The following CDH17 variants were observed in gnomAD, a reference collection of about 807,000 sequenced individuals.
CDH17 encodes the protein cadherin 17.
CDH17 carries 67 observed loss-of-function variants against 86.3 expected under a neutral mutation model. The ratio of observed to expected loss-of-function variants is 0.78; its 90% CI spans 0.64 to 0.95. The LOEUF is 0.95. Among genes scored for constraint, CDH17 ranks in the 40% least tolerant of loss-of-function variants. The pLI, the probability that CDH17 is intolerant of heterozygous loss-of-function variation, is 0.00. For synonymous variants in CDH17, 367 were observed against 366.4 expected (o/e 1.00, Z -0.02); for missense variants, 993 against 1,017.6 (o/e 0.98, Z 0.33).
chr8:94,166,007 A>G, intron 9 of CDH17, 31 bp from the exon 10 acceptor site: 1 of 1,309,304 alleles, frequency 7.6e-7, no homozygotes, highest in Non-Finnish European at 1.1e-6. Context: ...AAAACCCACC[A>G]TTACAGGCTC....
chr8:94,165,926 C>T lies in CDH17; in HGVS notation c.1117G>A (p.Ala373Thr), dbSNP rs1813143836. Residue 373 changes from alanine (A) to threonine (T), a missense_variant, in exon 10 of 18, where the codon GCC (alanine) becomes ACC (threonine). Physicochemically the swap from Ala to Thr is moderately conservative, Grantham distance 58. Coordinates refer to ENST00000027335, the MANE Select transcript of CDH17 (RefSeq NM_004063.4). ...ATCCTGTAGTTTAGAAAACTGTTGG[C>T]AGTATTTTCTTCATCCCTGTCATGT... ...TAHDRDEENT[A>T]NSFLNYRIVE... The T allele has an allele frequency of 6.2e-7, 1 of 1,613,746 alleles. No individual in the cohort carries two copies. The highest frequency in any genetic ancestry group is 1.3e-5 in the African/African-American group (1 of 74,884).
At chr8:94,194,781 A>G (rs2130670852) in intron 1 of CDH17, 76 bp from the exon 2 acceptor site, 1 of 765,158 alleles carries the variant, frequency 1.3e-6, no homozygotes, top group Non-Finnish European at 2.3e-6. Context: ...GTAAGAATCA[A>G]TGGATGATAT....
intron 3 of CDH17, among the ~76,000 whole-genome samples, chr8:94,182,804 G>A (rs1813508678): frequency 6.6e-6 from 1 of 151,694 alleles, no homozygotes; most frequent in Non-Finnish European, 1.5e-5. Flanking sequence ...CATAAAGATT[G>A]GAAATAAAAA....
chr8:94,147,033 T>C (rs1238671224), intron 14 of CDH17, among the ~76,000 whole-genome samples: 1 of 152,208 alleles, frequency 6.6e-6, no homozygotes, highest in African/African-American at 2.4e-5. Flanking sequence ...TTATTGTATC[T>C]ATTTATATCA....
In CDH17 at chr8:94,189,380, T is replaced by C. The variant is rs563076925; in HGVS notation, c.52-95A>G. 2.1e-4 allele frequency: 176 copies of C among 822,762 alleles called. No individual in the cohort carries two copies. The African/African-American group carries it at 2.7e-3, about 13-fold the overall frequency. The allele number at this position is 822,762 out of a possible 1,614,324, so 51.0% of individuals were successfully genotyped here. A position where few individuals can be genotyped will look rare whatever the true frequency, so the allele number is the denominator to read the frequency against. On this transcript the variant is annotated intron_variant, in intron 2 of 17. Transcript: ENST00000027335. ...GCTTCCAGCACCAATATACAAAACA[T>C]AGGATTCTATCATGGCTGAAATCTG...
At chr8:94,178,240 C>T (rs1442175034) in intron 3 of CDH17, among the ~76,000 whole-genome samples, 1 of 152,124 alleles carries the variant, frequency 6.6e-6, no homozygotes, top group Non-Finnish European at 1.5e-5. Context: ...ATGGCTATAT[C>T]ACTTTTAAGA....
At chr8:94,188,950 G>A (rs572578536) in intron 3 of CDH17, among the ~76,000 whole-genome samples, 1 of 152,184 alleles carries the variant, frequency 6.6e-6, no homozygotes, top group African/African-American at 2.4e-5. Context: ...GCTCCCTGCA[G>A]AGGGCTGGGA....
At chr8:94,151,769 T>G in intron 13 of CDH17, 99 bp downstream of exon 13, 3 of 1,481,118 alleles carry the variant, frequency 2.0e-6, no homozygotes, top group South Asian at 2.4e-5. Context: ...GGGTATGCTG[T>G]GAGGGTCAGC....
intron 9 of CDH17, among the ~76,000 whole-genome samples, chr8:94,168,097 AATATATATATATATATATATATATATAT>A (rs529264296): frequency 0.18 from 9,139 of 50,676 alleles, 872 homozygotes; most frequent in Middle Eastern, 0.32. Flanking sequence ...TACACTGGGG[AATATATATATATATATATATATATATAT>A]ATATATATAT....
intron 1 of CDH17, among the ~76,000 whole-genome samples, chr8:94,213,858 AT>A (rs1337379135): frequency 1.3e-5 from 2 of 151,920 alleles, no homozygotes; most frequent in African/African-American, 4.8e-5. Context: ...CAATACTCTG[AT>A]TTTCCTTCCA....
intron 4 of CDH17, 24 bp downstream of exon 4, chr8:94,177,563 T>C: frequency 1.2e-6 from 2 of 1,613,068 alleles, no homozygotes; most frequent in East Asian, 2.2e-5. Flanking sequence ...TGGAGTTAGA[T>C]CCCTTCAGCT....
intron 12 of CDH17, among the ~76,000 whole-genome samples, chr8:94,155,656 G>A (rs1217125149): frequency 6.6e-6 from 1 of 152,194 alleles, no homozygotes; most frequent in Non-Finnish European, 1.5e-5. Context: ...GCTGACAGTG[G>A]AAAGACAAGA....
rs534687586 is a variant in CDH17, at chr8:94,166,909, C to T, written c.1067-933G>A. On this transcript the variant is annotated intron_variant, in intron 9 of 17. Coordinates refer to ENST00000027335, the MANE Select transcript of CDH17 (RefSeq NM_004063.4). Reference sequence around the variant, plus strand: ...AGACTCTGGAGGGAACGCTGCCCTGCAAGCACCTTGATTTCAGACTTCCAG... The same window carrying T: ...AGACTCTGGAGGGAACGCTGCCCTGTAAGCACCTTGATTTCAGACTTCCAG... Among the ~76,000 whole-genome samples, 24 of 152,296 alleles carry T rather than the reference C, an allele frequency of 1.6e-4. No individual in the cohort carries two copies. The South Asian group carries it at 4.8e-3, about 30-fold the overall frequency.
chr8:94,191,080 C>A lies in CDH17; in HGVS notation c.52-1795G>T, dbSNP rs190388168. ...GGCTCACTTGCAGCTAGGAAGGTGG[C>A]CAAGTGGCCCAGTTCTGGTTCATGA... On this transcript the variant is annotated intron_variant, in intron 2 of 17. Coordinates refer to ENST00000027335, the MANE Select transcript of CDH17 (RefSeq NM_004063.4). Among the ~76,000 whole-genome samples the A allele has an allele frequency of 1.8e-4, 28 of 152,156 alleles. No individual in the cohort carries two copies. The East Asian group carries it at 5.2e-3, about 28-fold the overall frequency.
At chr8:94,137,214 T>C (rs1238771756) in intron 15 of CDH17, among the ~76,000 whole-genome samples, 1 of 152,234 alleles carries the variant, frequency 6.6e-6, no homozygotes, top group Non-Finnish European at 1.5e-5. Flanking sequence ...AGAAGTTATC[T>C]GCTACCTTTT....
chr8:94,132,516 C>G lies in CDH17; in HGVS notation c.2168-1524G>C, dbSNP rs572837244. On this transcript the variant is annotated intron_variant, in intron 15 of 17. Transcript: ENST00000027335. Reference sequence around the variant, plus strand: ...TCTGTTGCCCACTTTTTGATGGGGTCGTTTTTTTCTTGTAAATTTGTTTGA... The same window carrying G: ...TCTGTTGCCCACTTTTTGATGGGGTGGTTTTTTTCTTGTAAATTTGTTTGA... 2.5e-3 allele frequency among the ~76,000 whole-genome samples: 372 copies of G among 151,740 alleles called. 2 individuals carry two copies. The highest frequency in any genetic ancestry group is 3.3e-3 in the Non-Finnish European group (227 of 67,764).
Position 94,189,192 on chromosome 8 carries a change from AT to A in CDH17, c.144del (p.Phe49SerfsTer10). The A allele has an allele frequency of 6.2e-7, 1 of 1,610,548 alleles. No homozygotes were observed. On this transcript the variant is annotated frameshift_variant, in exon 3 of 18. Transcript: ENST00000027335. LOFTEE classifies it high-confidence loss of function. ...IYEGQEPSQI[I>X]FQFKANPPAV... ...TGATCAAGGGTAGCTTTTACCTGGA[AT>A]ATAATTTGACTCGGTTCTTGGCCTT...
chr8:94,198,942 T>G (rs2623177), intron 1 of CDH17, among the ~76,000 whole-genome samples: 113,525 of 150,772 alleles, frequency 0.75, 43,617 homozygotes, highest in African/African-American at 0.84. Context: ...GGGGTACAGG[T>G]TCTATCTTCA....
At position 94,170,497 on chromosome 8, in the gene CDH17, A is replaced by ATATGAAAG. The variant is rs1473966347; in HGVS notation, c.958_965dup (p.Pro323PhefsTer9). 1.2e-6 allele frequency: 2 copies of ATATGAAAG among 1,613,932 alleles called. No homozygotes were observed. On this transcript the variant is annotated frameshift_variant, in exon 9 of 18. Coordinates refer to ENST00000027335, the MANE Select transcript of CDH17 (RefSeq NM_004063.4). LOFTEE classifies it high-confidence loss of function. ...TAACTTTTACATGAATTTCCAGCGG[A>ATATGAAAG]TATGAAAGTGGTTTTCCGTACTCAT...
Sources: allele counts gnomAD v4.1 joint callset (sites outside exome capture counted in the v4.1 genomes callset), GRCh38; gene constraint gnomAD v4.1.1; transcripts MANE v1.5; gene names NCBI Gene and HGNC (gene_info 2026-07-23, HGNC 2026-07-21).